MTPAP: variants seen among roughly 807,000 people sequenced by gnomAD.
MTPAP encodes mitochondrial poly(A) polymerase.
Under a neutral mutation model 48.7 loss-of-function variants are expected in MTPAP, and 23 were observed. That is an observed-to-expected ratio of 0.47 (90% CI 0.34 to 0.67). The LOEUF (loss-of-function observed/expected upper bound fraction) is 0.67. Ranked by LOEUF, MTPAP falls within the 30% of genes least tolerant of loss-of-function variation. MTPAP has a pLI of 0.01. For synonymous variants in MTPAP, 257 were observed against 254.1 expected (o/e 1.01, Z -0.11); for missense variants, 614 against 694.3 (o/e 0.88, Z 1.30).
At chr10:30,314,896 A>C (rs1172342690) in intron 8 of MTPAP, among the ~76,000 whole-genome samples, 2 of 147,040 alleles carry the variant, frequency 1.4e-5, no homozygotes, top group African/African-American at 5.3e-5. Context: ...AAAAAAAAAA[A>C]AAAAAAAAAG....
At chr10:30,332,527 C>T (rs1834680849) in intron 4 of MTPAP, among the ~76,000 whole-genome samples, 2 of 152,152 alleles carry the variant, frequency 1.3e-5, no homozygotes, top group Admixed American at 6.5e-5. Flanking sequence ...CTCCTGACCT[C>T]AAGTGATCCA....
intron 3 of MTPAP, among the ~76,000 whole-genome samples, chr10:30,339,254 A>C (rs925893809): frequency 6.6e-6 from 1 of 152,138 alleles, no homozygotes; most frequent in Non-Finnish European, 1.5e-5. Flanking sequence ...TGGGAGGCCG[A>C]AGTGGGCACA....
At chr10:30,322,346 A>C (rs749501039) in intron 6 of MTPAP, 45 bp downstream of exon 6, 2 of 1,407,750 alleles carry the variant, frequency 1.4e-6, no homozygotes, top group Non-Finnish European at 2.0e-6. Flanking sequence ...ATATTTACTC[A>C]TAACATTGGA....
At chr10:30,339,143 C>A (rs1172965699) in intron 3 of MTPAP, among the ~76,000 whole-genome samples, 3 of 151,028 alleles carry the variant, frequency 2.0e-5, no homozygotes, top group African/African-American at 7.3e-5. Flanking sequence ...CAAAAACAAA[C>A]AAACAAAAAA....
chr10:30,318,092 T>C (rs1202782557), intron 6 of MTPAP, among the ~76,000 whole-genome samples: 2 of 152,082 alleles, frequency 1.3e-5, no homozygotes, highest in Non-Finnish European at 2.9e-5. Context: ...CTCCTGACCT[T>C]AAGTGATCCA....
chr10:30,331,988 T>C (rs2132858939), intron 4 of MTPAP, among the ~76,000 whole-genome samples: 1 of 152,256 alleles, frequency 6.6e-6, no homozygotes, highest in South Asian at 2.1e-4. Flanking sequence ...TCCTCTCAGA[T>C]TGAGTTGAGG....
chr10:30,313,406 A>T lies in MTPAP; in HGVS notation c.*203T>A. ...CGCCACACTCCACAGCTGATGTTTT[A>T]ATAAAGTGCCACTGAGTATCAGACT... is the stretch of plus-strand genomic sequence containing the variant. On this transcript the variant is annotated 3_prime_UTR_variant, in exon 9 of 9. Transcript: ENST00000263063. 1.5e-6 allele frequency: 1 copy of T among 655,108 alleles called. No individual in the cohort carries two copies. The highest frequency in any genetic ancestry group is 2.6e-6 in the Non-Finnish European group (1 of 386,958). 40.6% of individuals were successfully genotyped at this position (655,108 alleles called of 1,614,324 possible).
intron 3 of MTPAP, 74 bp downstream of exon 3, chr10:30,340,152 A>C: frequency 8.1e-7 from 1 of 1,237,824 alleles, no homozygotes; most frequent in Non-Finnish European, 1.2e-6. Context: ...TGTAGCTTGA[A>C]CATTTTACAG....
chr10:30,317,816 T>C (rs913912217), intron 6 of MTPAP, among the ~76,000 whole-genome samples: 1 of 152,192 alleles, frequency 6.6e-6, no homozygotes, highest in Non-Finnish European at 1.5e-5. Context: ...GCATCTAGCA[T>C]ATAGCAGGTA....
chr10:30,316,387 C>T (rs1840662603), intron 6 of MTPAP, among the ~76,000 whole-genome samples, 177 bp from the exon 7 acceptor site: 2 of 151,662 alleles, frequency 1.3e-5, no homozygotes, highest in South Asian at 4.2e-4. Flanking sequence ...GGATTATAGG[C>T]ACATGCCCCC....
At position 30,340,130 on chromosome 10, in the gene MTPAP, A is replaced by C. The variant is rs1174415435; in HGVS notation, c.555+96T>G. ...CTTGTAAAACTGAAGATCTATACCC[A>C]TTAAACAATAATGTAGCTTGAACAT... On this transcript the variant is annotated intron_variant, in intron 3 of 8. Coordinates refer to ENST00000263063, the MANE Select transcript of MTPAP (RefSeq NM_018109.4). 4 of 1,067,862 alleles carry C rather than the reference A, an allele frequency of 3.7e-6. No individual in the cohort carries two copies. In the East Asian group the frequency reaches 1.0e-4, roughly 27 times the overall value. 66.1% of individuals were successfully genotyped at this position (1,067,862 alleles called of 1,614,324 possible).
rs771995780 is a variant in MTPAP at position 30,340,244 on chromosome 10, T to C, written c.537A>G (p.Leu179=). 1 of 1,613,564 alleles carries C rather than the reference T, an allele frequency of 6.2e-7. No homozygotes were observed. The highest frequency in any genetic ancestry group is 8.5e-7 in the Non-Finnish European group (1 of 1,179,576). ...AACTTACACTTTCTGCATAACAAAG[T>C]AATTCAAAAAGCTGCTTGTTTGAAC... is the stretch of plus-strand genomic sequence containing the variant. ...LPRSNKQLFE[L]LCYAESIDDQ... Residue 179 remains leucine (L), a synonymous_variant, in exon 3 of 9, where the codon TTA becomes TTG. Coordinates refer to ENST00000263063, the MANE Select transcript of MTPAP (RefSeq NM_018109.4).
In MTPAP at chr10:30,322,603, C is replaced by A. The variant is rs751915510; in HGVS notation, c.1007G>T (p.Ser336Ile). 153 of 1,611,058 alleles carry A rather than the reference C, an allele frequency of 9.5e-5. No individual in the cohort carries two copies. Among genetic ancestry groups the A allele is most frequent in the Non-Finnish European group, 3.3e-5 (39 of 1,177,682 alleles). The change falls in exon 6 of 9, where the codon AGT becomes ATT. Residue 336 changes from serine to isoleucine, a missense_variant. Physicochemically the swap from Ser to Ile is moderately radical, Grantham distance 142. Transcript: ENST00000263063. ...ACCATATATATAAAGGAGTTCGGAA[C>A]TTGTCAAGGCAATCCTTCAAAAAAT... ...LTTNNRIALT[S>I]SELLYIYGAL...
rs1840596165 is a variant in MTPAP, at chr10:30,311,793, T to C, written c.*1816A>G. 2 of 152,650 alleles carry C rather than the reference T, an allele frequency of 1.3e-5. No individual in the cohort carries two copies. The highest frequency in any genetic ancestry group is 4.8e-5 in the African/African-American group (2 of 41,482). 9.5% of individuals were successfully genotyped at this position (152,650 alleles called of 1,614,324 possible). A position where few individuals can be genotyped will look rare whatever the true frequency, so the allele number is the denominator to read the frequency against. On this transcript the variant is annotated 3_prime_UTR_variant, in exon 9 of 9. Coordinates refer to ENST00000263063, the MANE Select transcript of MTPAP (RefSeq NM_018109.4). Reference sequence around the variant, plus strand: ...AGTCCTTGTGCCTCGGCCTCCCAAGTACCTGGGACTACAGGCATGTGCCGC... The same window carrying C: ...AGTCCTTGTGCCTCGGCCTCCCAAGCACCTGGGACTACAGGCATGTGCCGC...
chr10:30,331,420 C>G (rs1834664365), intron 4 of MTPAP, among the ~76,000 whole-genome samples: 1 of 152,150 alleles, frequency 6.6e-6, no homozygotes, highest in Non-Finnish European at 1.5e-5. Context: ...TAAGAAAAAG[C>G]AAAACTGAAG....
In MTPAP at chr10:30,343,768, A is replaced by G. The variant is rs117641564; in HGVS notation, c.158-2128T>C. On this transcript the variant is annotated intron_variant, in intron 1 of 8. Coordinates refer to ENST00000263063, the MANE Select transcript of MTPAP (RefSeq NM_018109.4). ...TGTTTAGTAGAGATGGGGTTTCACT[A>G]CGTTGGTCAGGCTGGTCTTGAACTG... 8.2e-3 allele frequency among the ~76,000 whole-genome samples: 1,246 copies of G among 152,038 alleles called. 10 individuals carry two copies. The highest frequency in any genetic ancestry group is 0.01 in the Non-Finnish European group (690 of 67,968).
At chr10:30,340,647 A>C (rs1252592899) in intron 2 of MTPAP, among the ~76,000 whole-genome samples, 197 bp from the exon 3 acceptor site, 2 of 152,186 alleles carry the variant, frequency 1.3e-5, no homozygotes, top group Admixed American at 6.6e-5. Context: ...GGCCGGGCGC[A>C]GTGGCTCACG....
chr10:30,331,228 T>G (rs1165128244), intron 4 of MTPAP, among the ~76,000 whole-genome samples: 1 of 152,216 alleles, frequency 6.6e-6, no homozygotes, highest in Non-Finnish European at 1.5e-5. Context: ...CCATAAATAC[T>G]TCCTATTAAT....
At chr10:30,333,410 T>C (rs1286720440) in intron 4 of MTPAP, among the ~76,000 whole-genome samples, 1 of 152,190 alleles carries the variant, frequency 6.6e-6, no homozygotes, top group African/African-American at 2.4e-5. Flanking sequence ...AGAAGGTAAA[T>C]AACTTACCTA....
Sources: allele counts gnomAD v4.1 joint callset (sites outside exome capture counted in the v4.1 genomes callset), GRCh38; gene constraint gnomAD v4.1.1; transcripts MANE v1.5; gene names NCBI Gene and HGNC (gene_info 2026-07-23, HGNC 2026-07-21).